BMP5: variants seen among roughly 807,000 people sequenced by gnomAD.
BMP5 encodes the protein bone morphogenetic protein 5.
In BMP5, 23 loss-of-function variants were observed where a neutral mutation model predicts 46.6. The observed-to-expected ratio is 0.49, with a 90% CI of 0.35 to 0.70. The LOEUF is 0.70. Among genes scored for constraint, BMP5 ranks in the 30% least tolerant of loss-of-function variants. BMP5 has a pLI of 0.00. For synonymous variants in BMP5, 204 were observed against 191.9 expected, an observed-to-expected ratio of 1.06 and a Z score of -0.52; for missense variants, 545 against 565.6, an observed-to-expected ratio of 0.96 and a Z score of 0.37.
At chr6:55,827,928 T>A (rs1236975309) in intron 1 of BMP5, among the ~76,000 whole-genome samples, 1 of 151,882 alleles carries the variant, frequency 6.6e-6, no homozygotes, top group Non-Finnish European at 1.5e-5. Context: ...GATAGCCATC[T>A]TTTGGTCAAT....
At chr6:55,845,065 T>G (rs1777063113) in intron 1 of BMP5, among the ~76,000 whole-genome samples, 1 of 152,072 alleles carries the variant, frequency 6.6e-6, no homozygotes, top group African/African-American at 2.4e-5. Context: ...TGCTGTTCTT[T>G]AAGTTATTTG....
chr6:55,804,714 T>C (rs1480167833), intron 2 of BMP5, among the ~76,000 whole-genome samples: 1 of 151,754 alleles, frequency 6.6e-6, no homozygotes, highest in African/African-American at 2.4e-5. Flanking sequence ...GAGGGGTGAA[T>C]TAACTATGAG....
At chr6:55,763,996 TAAG>T (rs1207635187) in intron 4 of BMP5, among the ~76,000 whole-genome samples, 1 of 152,134 alleles carries the variant, frequency 6.6e-6, no homozygotes, top group African/African-American at 2.4e-5. Context: ...CTGAATATGA[TAAG>T]AAGAACACTA....
At chr6:55,853,296 A>G (rs952178711) in intron 1 of BMP5, among the ~76,000 whole-genome samples, 1 of 151,572 alleles carries the variant, frequency 6.6e-6, no homozygotes, top group African/African-American at 2.4e-5. Context: ...TTATCTTTCT[A>G]TTCCTAGCTC....
intron 3 of BMP5, among the ~76,000 whole-genome samples, chr6:55,785,524 ATGGGTCACAGCATACG>A (rs1472762953): frequency 6.6e-6 from 1 of 151,810 alleles, no homozygotes; most frequent in Admixed American, 6.6e-5. Context: ...TAGAAAACCC[ATGGGTCACAGCATACG>A]TGGGTTTGGA....
At chr6:55,824,573 C>A (rs1396688591) in intron 1 of BMP5, among the ~76,000 whole-genome samples, 1 of 151,706 alleles carries the variant, frequency 6.6e-6, no homozygotes, top group Non-Finnish European at 1.5e-5. Flanking sequence ...TAAGCCAGAC[C>A]CAGACTTGTT....
chr6:55,783,996 C>A (rs1007630664), intron 3 of BMP5, among the ~76,000 whole-genome samples: 89 of 151,784 alleles, frequency 5.9e-4, no homozygotes, highest in African/African-American at 1.9e-3. Context: ...ATTTTAAAAC[C>A]TTTTTTCATA....
At chr6:55,862,979 T>C (rs1352462980) in intron 1 of BMP5, among the ~76,000 whole-genome samples, 2 of 152,182 alleles carry the variant, frequency 1.3e-5, no homozygotes, top group African/African-American at 4.8e-5. Context: ...GTATGTGACA[T>C]TGAGCAAAGA....
At chr6:55,769,458 T>C (rs1397509186) in intron 4 of BMP5, among the ~76,000 whole-genome samples, 2 of 151,852 alleles carry the variant, frequency 1.3e-5, no homozygotes, top group Non-Finnish European at 2.9e-5. Context: ...AATCCAGTCA[T>C]ATATTCAGGT....
intron 2 of BMP5, among the ~76,000 whole-genome samples, chr6:55,801,949 A>G (rs1775857959): frequency 1.3e-5 from 2 of 152,226 alleles, no homozygotes; most frequent in Admixed American, 6.5e-5. Context: ...AGACTCAGTT[A>G]TGCCACAAGT....
chr6:55,817,320 A>G (rs1396596758), intron 2 of BMP5, among the ~76,000 whole-genome samples: 3 of 152,218 alleles, frequency 2.0e-5, no homozygotes, highest in Admixed American at 6.5e-5. Context: ...TTGCAGCACT[A>G]TTCACAATAG....
At chr6:55,809,849 AG>A (rs1776081934) in intron 2 of BMP5, among the ~76,000 whole-genome samples, 1 of 152,138 alleles carries the variant, frequency 6.6e-6, no homozygotes, top group Non-Finnish European at 1.5e-5. Context: ...ATTTTCATAA[AG>A]TACAAAACTT....
chr6:55,871,261 C>T (rs1777782005), intron 1 of BMP5, among the ~76,000 whole-genome samples: 1 of 151,652 alleles, frequency 6.6e-6, no homozygotes, highest in South Asian at 2.1e-4. Flanking sequence ...TTATTACTAA[C>T]AAAATAATAT....
At chr6:55,848,439 A>T (rs927177594) in intron 1 of BMP5, among the ~76,000 whole-genome samples, 1 of 151,978 alleles carries the variant, frequency 6.6e-6, no homozygotes, top group African/African-American at 2.4e-5. Context: ...CATATTATTC[A>T]TATATTCAAT....
chr6:55,785,126 T>C (rs190807629), intron 3 of BMP5, among the ~76,000 whole-genome samples: 107 of 152,000 alleles, frequency 7.0e-4, no homozygotes, highest in African/African-American at 1.6e-3. Flanking sequence ...ATTAAAAATA[T>C]ACCTAGAAAG....
intron 1 of BMP5, among the ~76,000 whole-genome samples, chr6:55,827,868 G>A (rs1469447882): frequency 2.0e-5 from 3 of 151,750 alleles, no homozygotes; most frequent in African/African-American, 7.2e-5. Context: ...AAATATTTGA[G>A]AATGTTTTGT....
intron 2 of BMP5, among the ~76,000 whole-genome samples, chr6:55,808,186 A>C (rs570711287): frequency 3.3e-5 from 5 of 152,278 alleles, no homozygotes; most frequent in African/African-American, 9.6e-5. Flanking sequence ...TTGGAGTTTT[A>C]GAAGCTCCTG....
intron 3 of BMP5, among the ~76,000 whole-genome samples, chr6:55,785,391 T>C (rs1775423372): frequency 6.6e-6 from 1 of 151,892 alleles, no homozygotes; most frequent in Admixed American, 6.6e-5. Flanking sequence ...CCGTTATTTA[T>C]GTTCAGTTAC....
intron 1 of BMP5, among the ~76,000 whole-genome samples, chr6:55,847,756 G>A (rs1011730698): frequency 6.6e-6 from 1 of 151,824 alleles, no homozygotes; most frequent in African/African-American, 2.4e-5. Flanking sequence ...ATTCTCCACT[G>A]TGTAGAATAT....
Sources: gnomAD v4.1 joint callset for allele counts (sites outside exome capture counted in the v4.1 genomes callset) on GRCh38, gnomAD v4.1.1 for gene constraint, MANE v1.5 for transcripts, NCBI Gene and HGNC (gene_info 2026-07-23, HGNC 2026-07-21) for gene names.